The following MAPK10 variants were observed in gnomAD, a reference collection of about 807,000 sequenced individuals.
MAPK10 encodes JNK3 alpha protein kinase.
A neutral mutation model predicts 59.3 loss-of-function variants in MAPK10; 25 were observed. The observed-to-expected ratio is 0.42, with a 90% CI of 0.31 to 0.59. MAPK10 has a LOEUF of 0.59. Ranked by LOEUF, MAPK10 falls within the 20% of genes least tolerant of loss-of-function variation. The probability of loss-of-function intolerance (pLI) is 0.15; values close to 1 mark genes in which losing one functional copy is unlikely to be tolerated. For missense variants in MAPK10, 351 were observed against 568.9 expected (o/e 0.62, Z 3.90); for synonymous variants, 190 against 200.5 (o/e 0.95, Z 0.44).
chr4:86,242,037 T>TGG (rs1563491361), intron 2 of MAPK10, among the ~76,000 whole-genome samples: 1 of 151,884 alleles, frequency 6.6e-6, no homozygotes, highest in African/African-American at 2.4e-5. Flanking sequence ...TTTGTTGTTG[T>TGG]TGGTGGTGGT....
At chr4:86,476,881 C>T (rs1753134725) in intron 1 of MAPK10, among the ~76,000 whole-genome samples, 4 of 152,160 alleles carry the variant, frequency 2.6e-5, no homozygotes, top group Admixed American at 2.6e-4. Context: ...GAAATCTGGC[C>T]ACTGGACCAA....
chr4:86,145,174 A>C (rs1562297050), intron 4 of MAPK10, among the ~76,000 whole-genome samples: 1 of 152,022 alleles, frequency 6.6e-6, no homozygotes, highest in Non-Finnish European at 1.5e-5. Flanking sequence ...ATGTAGCACA[A>C]GGGTCAAAAG....
intron 11 of MAPK10, among the ~76,000 whole-genome samples, chr4:86,038,242 C>G (rs1421893551): frequency 6.6e-6 from 1 of 152,148 alleles, no homozygotes; most frequent in African/African-American, 2.4e-5. Flanking sequence ...TTAAGGATCT[C>G]CCTGTGTTCT....
At chr4:86,190,230 A>T (rs2079353298) in intron 3 of MAPK10, among the ~76,000 whole-genome samples, 1 of 152,122 alleles carries the variant, frequency 6.6e-6, no homozygotes, top group African/African-American at 2.4e-5. Context: ...TGTCTCTGCC[A>T]GGTTTTGGTA....
chr4:86,102,485 T>A (rs2055633389), intron 6 of MAPK10: 1 of 154,346 alleles, frequency 6.5e-6, no homozygotes, highest in African/African-American at 2.4e-5. Context: ...ATAGAAAGAA[T>A]AAAGATAATT....
intron 1 of MAPK10, among the ~76,000 whole-genome samples, chr4:86,509,511 G>A (rs1215425819): frequency 4.7e-5 from 7 of 150,226 alleles, no homozygotes; most frequent in African/African-American, 9.8e-5. Context: ...TTCCCTGTCC[G>A]CATTGTCTAG....
intron 2 of MAPK10, among the ~76,000 whole-genome samples, chr4:86,259,303 T>A (rs1200300843): frequency 6.6e-6 from 1 of 152,112 alleles, no homozygotes; most frequent in Non-Finnish European, 1.5e-5. Context: ...CCCAAATCCA[T>A]ATATCTAATG....
chr4:86,472,407 A>G (rs1752730562), intron 1 of MAPK10, among the ~76,000 whole-genome samples: 1 of 152,076 alleles, frequency 6.6e-6, no homozygotes, highest in Non-Finnish European at 1.5e-5. Context: ...ATAAGGTTTA[A>G]AAAAAAATTA....
chr4:86,544,307 A>C lies in MAPK10; in HGVS notation c.-263+49603T>G, dbSNP rs569782015. 3.9e-5 allele frequency among the ~76,000 whole-genome samples: 6 copies of C among 152,352 alleles called. No individual in the cohort carries two copies. In the South Asian group the frequency reaches 1.2e-3, roughly 32 times the overall value. On this transcript the variant is annotated intron_variant, in intron 1 of 4. Transcript: ENST00000502302. ...AAGGATAAAAGTCCCTCAAATTAAA[A>C]ACAAAAAGGCATCGACATGATTTGT... is the stretch of plus-strand genomic sequence containing the variant.
At chr4:86,519,612 T>G (rs891604780) in intron 1 of MAPK10, among the ~76,000 whole-genome samples, 1 of 152,094 alleles carries the variant, frequency 6.6e-6, no homozygotes, top group African/African-American at 2.4e-5. Context: ...ATTTAGGCCA[T>G]CGTTAGTATT....
intron 1 of MAPK10, among the ~76,000 whole-genome samples, chr4:86,498,879 A>C (rs2149078319): frequency 6.6e-6 from 1 of 152,282 alleles, no homozygotes; most frequent in South Asian, 2.1e-4. Flanking sequence ...GTGGCACTCA[A>C]AGAAAGTAAA....
intron 3 of MAPK10, among the ~76,000 whole-genome samples, chr4:86,163,803 C>T (rs952687532): frequency 2.0e-5 from 3 of 151,990 alleles, no homozygotes; most frequent in Non-Finnish European, 2.9e-5. Context: ...CAATGCAGAT[C>T]GACATGTAAA....
chr4:86,395,483 T>C (rs1184205960), intron 1 of MAPK10, among the ~76,000 whole-genome samples: 1 of 152,194 alleles, frequency 6.6e-6, no homozygotes, highest in African/African-American at 2.4e-5. Context: ...AAAGAATGCA[T>C]GATGTAACTG....
chr4:86,467,422 T>C (rs1752298851), intron 1 of MAPK10, among the ~76,000 whole-genome samples: 1 of 152,238 alleles, frequency 6.6e-6, no homozygotes, highest in African/African-American at 2.4e-5. Flanking sequence ...GAAGCAAAAA[T>C]GGCCAAAGCA....
At chr4:86,375,639 C>T (rs2148996827) in intron 1 of MAPK10, among the ~76,000 whole-genome samples, 1 of 142,046 alleles carries the variant, frequency 7.0e-6, no homozygotes, top group African/African-American at 2.7e-5. Context: ...CACTTGAGCC[C>T]AGGAGGTCAA....
intron 4 of MAPK10, among the ~76,000 whole-genome samples, chr4:86,110,776 A>G (rs1330930909): frequency 6.6e-6 from 1 of 152,050 alleles, no homozygotes; most frequent in African/African-American, 2.4e-5. Context: ...AAGAATGTCA[A>G]TGGTAGTTTA....
intron 2 of MAPK10, among the ~76,000 whole-genome samples, chr4:86,248,800 T>G (rs2093263238): frequency 6.6e-6 from 1 of 152,206 alleles, no homozygotes; most frequent in Non-Finnish European, 1.5e-5. Flanking sequence ...GTAATATCAT[T>G]ATTTCTGTAA....
chr4:86,117,375 A>G (rs2058447424), intron 4 of MAPK10, among the ~76,000 whole-genome samples: 1 of 152,170 alleles, frequency 6.6e-6, no homozygotes, highest in African/African-American at 2.4e-5. Flanking sequence ...TGATCACTAC[A>G]CCCTGTCTTA....
intron 1 of MAPK10, among the ~76,000 whole-genome samples, chr4:86,567,424 T>TG (rs1484986854): frequency 2.6e-5 from 4 of 152,168 alleles, no homozygotes. Context: ...TTCACCATAT[T>TG]GGTCAGGCTG....
Sources: gnomAD v4.1 joint callset for allele counts (sites outside exome capture counted in the v4.1 genomes callset) on GRCh38, gnomAD v4.1.1 for gene constraint, MANE v1.5 for transcripts, NCBI Gene and HGNC (gene_info 2026-07-23, HGNC 2026-07-21) for gene names.